ADAP1: variants seen among roughly 807,000 people sequenced by gnomAD.
ADAP1 encodes the protein ArfGAP with dual PH domains 1, also known as arf-GAP with dual PH domain-containing protein 1.
Under a neutral mutation model 54.9 loss-of-function variants are expected in ADAP1, and 31 were observed. The ratio of observed to expected loss-of-function variants is 0.56; its 90% CI spans 0.42 to 0.76. The LOEUF is 0.76. Ranked by LOEUF, ADAP1 falls within the 30% of genes least tolerant of loss-of-function variation. The pLI is 0.00. For missense variants in ADAP1, 535 were observed against 512.4 expected, an observed-to-expected ratio of 1.04 and a Z score of -0.42; for synonymous variants, 313 against 202.6, an observed-to-expected ratio of 1.55 and a Z score of -4.63.
chr7:910,383 G>A (rs1043009682), intron 4 of ADAP1, among the ~76,000 whole-genome samples: 2 of 152,038 alleles, frequency 1.3e-5, no homozygotes, highest in Non-Finnish European at 2.9e-5. Context: ...CCGAGTAGCT[G>A]GGACCACAGA....
intron 4 of ADAP1, among the ~76,000 whole-genome samples, chr7:912,077 G>C (rs970877111): frequency 6.6e-6 from 1 of 152,154 alleles, no homozygotes; most frequent in South Asian, 2.1e-4. Flanking sequence ...CCCAGACCTC[G>C]TGCACAGCCC....
intron 1 of ADAP1, among the ~76,000 whole-genome samples, chr7:950,856 CAAAAA>C (rs34720533): frequency 2.4e-5 from 2 of 84,956 alleles, no homozygotes; most frequent in East Asian, 3.5e-4. Flanking sequence ...GACTCCGTCT[CAAAAA>C]AAAAAAAAAA....
rs1180294864 is a variant in ADAP1 at position 905,298 on chromosome 7, C to CGG, written c.389-127_389-126insCC. The CGG allele has an allele frequency of 1.3e-4, 34 of 260,670 alleles. No homozygotes were observed. In the African/African-American group the frequency reaches 2.2e-3, roughly 17 times the overall value. 16.1% of individuals were successfully genotyped at this position (260,670 alleles called of 1,614,324 possible). A position where few individuals can be genotyped will look rare whatever the true frequency, so the allele number is the denominator to read the frequency against. ...GGGGGACACGGACGGGGGACACGGACAGGGGGAGACGGACGGGGAGAGGGG... is the reference window on the plus strand; with the variant it reads ...GGGGGACACGGACGGGGGACACGGACGGAGGGGGAGACGGACGGGGAGAGGGG... On this transcript the variant is annotated intron_variant, in intron 4 of 10. Transcript: ENST00000265846.
Position 919,980 on chromosome 7 carries a change from G to A in ADAP1, c.376C>T (p.Pro126Ser), listed in dbSNP as rs775050808. ...QEFIYPEKQE[P>S]YSAGYREGFL... ...CGGGTGGCCTCACCTGCCGAGTAGG[G>A]CTCCTGCTTCTCCGGGTAGATGAAC... Residue 126 changes from proline to serine, a missense_variant, in exon 4 of 11, where the codon CCC becomes TCC. Physicochemically the swap from Pro to Ser is moderately conservative, Grantham distance 74. Coordinates refer to ENST00000265846, the MANE Select transcript of ADAP1 (RefSeq NM_006869.4). The A allele has an allele frequency of 3.8e-5, 61 of 1,605,760 alleles. 2 individuals carry two copies. Among genetic ancestry groups the A allele is most frequent in the Non-Finnish European group, 4.9e-5 (58 of 1,179,222 alleles).
upstream of ADAP1, chr7:954,756 G>A: frequency 7.2e-6 from 7 of 966,102 alleles, no homozygotes; most frequent in Non-Finnish European, 8.6e-6. Context: ...GTGCAGGCGA[G>A]CGTGTGGCCT....
chr7:920,110 C>T lies in ADAP1; in HGVS notation c.306-60G>A, dbSNP rs1010646649. The T allele has an allele frequency of 1.5e-5, 22 of 1,507,754 alleles. No homozygotes were observed. In the East Asian group the frequency reaches 3.2e-4, roughly 22 times the overall value. 93.4% of individuals were successfully genotyped at this position (1,507,754 alleles called of 1,614,324 possible). On this transcript the variant is annotated intron_variant, in intron 3 of 10. Transcript: ENST00000265846. The surrounding 1 kb of genome is among the most constrained non-coding windows in gnomAD (Gnocchi z 4.5). ...AGGCGGCCTCCGACCCAGCACACGC[C>T]GCTCTCTGGCCCGGACCCTGGACAT...
chr7:913,323 C>A (rs1028089327), intron 4 of ADAP1, among the ~76,000 whole-genome samples: 13 of 151,942 alleles, frequency 8.6e-5, no homozygotes, highest in South Asian at 2.1e-4. Flanking sequence ...GCCTCAGCCT[C>A]CCAAGTAGCT....
rs970822535 is a variant in ADAP1 at position 900,547 on chromosome 7, C to T, written c.718G>A (p.Ala240Thr). Residue 240 changes from alanine (A) to threonine (T), a missense_variant, in exon 7 of 11, where the codon GCC becomes ACC. Physicochemically the swap from Ala to Thr is moderately conservative, Grantham distance 58. Transcript: ENST00000265846. ...FHYLQVAFPG[A>T]GDADLVPKLS... ...CCGCCACTCACATCTGCGTCGCCGG[C>T]CCCTGGGAATGCCACCTGCAGGTAG... is the stretch of plus-strand genomic sequence containing the variant. The T allele has an allele frequency of 6.2e-7, 1 of 1,609,870 alleles. No homozygotes were observed. Among genetic ancestry groups the T allele is most frequent in the Non-Finnish European group, 8.5e-7 (1 of 1,178,752 alleles).
At chr7:954,165 T>C (rs934414058) in intron 1 of ADAP1, among the ~76,000 whole-genome samples, 1 of 149,074 alleles carries the variant, frequency 6.7e-6, no homozygotes, top group Non-Finnish European at 1.5e-5. Flanking sequence ...TTTCCGGGGG[T>C]CCTGGGGGGG....
intron 4 of ADAP1, among the ~76,000 whole-genome samples, chr7:908,884 G>A (rs1455744637): frequency 6.6e-6 from 1 of 152,124 alleles, no homozygotes; most frequent in African/African-American, 2.4e-5. Flanking sequence ...GGTGGAGCTG[G>A]CTGGGTCCAG....
intron 4 of ADAP1, among the ~76,000 whole-genome samples, chr7:907,990 T>A (rs1017384993): frequency 1.3e-4 from 20 of 151,808 alleles, no homozygotes; most frequent in Non-Finnish European, 1.9e-4. Context: ...CCCGGGGTCG[T>A]GGGGCCGTCT....
chr7:954,563 C>A lies in ADAP1; in HGVS notation c.-86G>T. The stretch of plus-strand genomic sequence containing the variant: ...GCTAGGGCCCCGCGCAGGCCGCCCG[C>A]CGCCGCCGCCCCTGCGCCATCCCGG... On this transcript the variant is annotated 5_prime_UTR_variant, in exon 1 of 11. Transcript: ENST00000265846. 1.0e-6 allele frequency: 1 copy of A among 988,652 alleles called. No homozygotes were observed. The highest frequency in any genetic ancestry group is 1.2e-6 in the Non-Finnish European group (1 of 833,366). The allele number at this position is 988,652 out of a possible 1,614,324, so 61.2% of individuals were successfully genotyped here.
Position 945,687 on chromosome 7 carries a change from G to A in ADAP1, c.82+8709C>T. ...CAGGCTGCCAGCACCGTCTCCAGGAGCTGCCTCCTCCTCGGAGACTGCCCA... is the reference window on the plus strand; with the variant it reads ...CAGGCTGCCAGCACCGTCTCCAGGAACTGCCTCCTCCTCGGAGACTGCCCA... On this transcript the variant is annotated intron_variant, in intron 1 of 10. Transcript: ENST00000265846. This position sits in a 1 kb window ranked among gnomAD's most constrained non-coding sequence, Gnocchi z 4.2. 1.0e-6 allele frequency: 1 copy of A among 962,634 alleles called. No homozygotes were observed. Among genetic ancestry groups the A allele is most frequent in the Non-Finnish European group, 1.2e-6 (1 of 809,034 alleles). The allele number at this position is 962,634 out of a possible 1,614,324, so 59.6% of individuals were successfully genotyped here. A position where few individuals can be genotyped will look rare whatever the true frequency, so the allele number is the denominator to read the frequency against.
rs1004066881 is a variant in ADAP1 at position 946,656 on chromosome 7, C to T, written c.82+7740G>A. On this transcript the variant is annotated intron_variant, in intron 1 of 10. Coordinates refer to ENST00000265846, the MANE Select transcript of ADAP1 (RefSeq NM_006869.4). The surrounding 1 kb of genome is among the most constrained non-coding windows in gnomAD (Gnocchi z 4.3). ...AGTCCTCCCTGGACCCACCCTGTCCCGGAGCCCACTCTCTGGGGCCCCCAC... is the reference window on the plus strand; with the variant it reads ...AGTCCTCCCTGGACCCACCCTGTCCTGGAGCCCACTCTCTGGGGCCCCCAC... 2.6e-5 allele frequency among the ~76,000 whole-genome samples: 4 copies of T among 152,086 alleles called. No homozygotes were observed. The highest frequency in any genetic ancestry group is 4.8e-5 in the African/African-American group (2 of 41,492).
At chr7:901,181 G>A (rs1432945425) in intron 6 of ADAP1, 36 of 368,104 alleles carry the variant, frequency 9.8e-5, no homozygotes, top group Non-Finnish European at 1.5e-4. Flanking sequence ...CCCTGGAACA[G>A]AGGGCCCATA....
chr7:935,221 G>C (rs1417343996), intron 2 of ADAP1, 154 bp downstream of exon 2: 1 of 1,070,782 alleles, frequency 9.3e-7, no homozygotes, highest in African/African-American at 1.6e-5. Flanking sequence ...CCGCTGGAGA[G>C]GGGGCGGGGT....
intron 2 of ADAP1, chr7:927,193 G>A (rs994669334): frequency 5.0e-5 from 64 of 1,291,222 alleles, no homozygotes; most frequent in Non-Finnish European, 6.3e-5. Flanking sequence ...ACATGTTTAC[G>A]AAACAGGCTG....
At chr7:950,952 G>C (rs181243072) in intron 1 of ADAP1, among the ~76,000 whole-genome samples, 179 of 152,134 alleles carry the variant, frequency 1.2e-3, no homozygotes, top group African/African-American at 4.1e-3. Flanking sequence ...TTGTTGAATG[G>C]GGACAGAGCT....
At chr7:931,770 G>A (rs1319124849) in intron 2 of ADAP1, among the ~76,000 whole-genome samples, 1 of 89,696 alleles carries the variant, frequency 1.1e-5, no homozygotes, top group African/African-American at 4.2e-5. Flanking sequence ...TAGAAAGTAG[G>A]GAGAAAAAAA....
Sources: gnomAD v4.1 joint callset for allele counts (sites outside exome capture counted in the v4.1 genomes callset) on GRCh38, gnomAD v4.1.1 for gene constraint, Gnocchi (gnomAD v3.1) non-coding constraint, MANE v1.5 for transcripts, NCBI Gene and HGNC (gene_info 2026-07-23, HGNC 2026-07-21) for gene names.